The following DCX variants were observed in gnomAD, a reference collection of about 807,000 sequenced individuals.
The protein encoded by DCX is doublecortin, also known as neuronal migration protein doublecortin.
DCX carries 4 observed loss-of-function variants against 20.9 expected under a neutral mutation model. The observed-to-expected ratio is 0.19, with a 90% CI of 0.09 to 0.44. The LOEUF (loss-of-function observed/expected upper bound fraction) is 0.44, where lower values mean the gene tolerates loss of function less well. Ranked by LOEUF, DCX falls within the 20% of genes least tolerant of loss-of-function variation. DCX has a pLI of 0.99. For synonymous variants in DCX, 103 were observed against 111.4 expected (o/e 0.92, Z 0.47); for missense variants, 133 against 296.9 (o/e 0.45, Z 4.06).
At chrX:111,405,293 A>G (rs1423791440) in intron 2 of DCX, among the ~76,000 whole-genome samples, 2 of 112,478 alleles carry the variant, frequency 1.8e-5, no homozygotes, top group African/African-American at 3.2e-5. Flanking sequence ...ACTGTATTAT[A>G]TTAAAATATT....
chrX:111,309,152 T>A (rs1036120178), intron 6 of DCX, among the ~76,000 whole-genome samples: 1 of 112,560 alleles, frequency 8.9e-6, no homozygotes, highest in African/African-American at 3.2e-5. Flanking sequence ...ATGCGGACTT[T>A]GGCTAACCCC....
chrX:111,359,359 A>C (rs147895853), intron 3 of DCX, among the ~76,000 whole-genome samples: 8 of 111,570 alleles, frequency 7.2e-5, no homozygotes, highest in African/African-American at 2.3e-4. Context: ...TTTGAAGAAA[A>C]GGTAGATTAC....
At chrX:111,361,502 T>G (rs780616234) in intron 3 of DCX, among the ~76,000 whole-genome samples, 1 of 112,266 alleles carries the variant, frequency 8.9e-6, no homozygotes, top group East Asian at 2.8e-4. Flanking sequence ...TCGAAACAGT[T>G]GAAACAGTTT....
At chrX:111,345,458 C>A (rs1922718746) in intron 3 of DCX, among the ~76,000 whole-genome samples, 1 of 111,690 alleles carries the variant, frequency 9.0e-6, no homozygotes, top group South Asian at 3.8e-4. Flanking sequence ...GAACAGGCAA[C>A]CTACAGAATG....
chrX:111,370,698 A>T (rs187810062), intron 3 of DCX, among the ~76,000 whole-genome samples: 4 of 110,688 alleles, frequency 3.6e-5, no homozygotes, highest in African/African-American at 1.3e-4. Flanking sequence ...CATTATTCAT[A>T]AAGAAGTCCA....
At chrX:111,399,263 C>T (rs1336261330) in intron 3 of DCX, among the ~76,000 whole-genome samples, 2 of 110,847 alleles carry the variant, frequency 1.8e-5, no homozygotes, top group Non-Finnish European at 3.8e-5. Flanking sequence ...GCTTTCATAT[C>T]CATTATTTGA....
intron 6 of DCX, among the ~76,000 whole-genome samples, chrX:111,304,039 C>T (rs2095039772): frequency 9.0e-6 from 1 of 111,662 alleles, no homozygotes. Flanking sequence ...TTCTAAACTA[C>T]CAAACAAAAG....
At chrX:111,373,051 C>CAGTGAAATGA (rs753003053) in intron 3 of DCX, among the ~76,000 whole-genome samples, 1 of 107,744 alleles carries the variant, frequency 9.3e-6, no homozygotes, top group African/African-American at 3.5e-5. Flanking sequence ...GCTGATAACA[C>CAGTGAAATGA]AATGAAATGA....
intron 3 of DCX, among the ~76,000 whole-genome samples, chrX:111,372,281 G>A (rs143932207): frequency 0.028 from 3,099 of 111,966 alleles, 104 homozygotes; most frequent in African/African-American, 0.092. Context: ...CTGACGCTCT[G>A]TTCTGCAGCT....
chrX:111,341,121 C>A (rs965186226), intron 3 of DCX, among the ~76,000 whole-genome samples: 4 of 110,061 alleles, frequency 3.6e-5, no homozygotes, highest in African/African-American at 9.9e-5. Context: ...AAGCTAAGAA[C>A]CTTGATTAAA....
intron 5 of DCX, among the ~76,000 whole-genome samples, chrX:111,323,215 A>C (rs1223521275): frequency 8.9e-6 from 1 of 112,122 alleles, no homozygotes; most frequent in African/African-American, 3.2e-5. Context: ...GGAATCAGTC[A>C]AAGTTTTAAA....
At chrX:111,407,835 C>CAT (rs1352211833) in intron 2 of DCX, among the ~76,000 whole-genome samples, 1 of 109,021 alleles carries the variant, frequency 9.2e-6, no homozygotes, top group Non-Finnish European at 1.9e-5. Context: ...CACACACACA[C>CAT]ACATATCTAG....
At chrX:111,326,277 CG>C (rs1569488201) in intron 5 of DCX, among the ~76,000 whole-genome samples, 1 of 110,495 alleles carries the variant, frequency 9.1e-6, no homozygotes, top group Non-Finnish European at 1.9e-5. Flanking sequence ...TAGCTTCCTT[CG>C]GGGGCTCCTT....
intron 3 of DCX, among the ~76,000 whole-genome samples, chrX:111,342,127 T>G (rs1437489318): frequency 1.0e-5 from 1 of 96,857 alleles, no homozygotes; most frequent in African/African-American, 3.8e-5. Context: ...ATTCAGGAGA[T>G]GCATCTCACG....
intron 5 of DCX, among the ~76,000 whole-genome samples, chrX:111,321,761 A>C (rs2095087051): frequency 8.9e-6 from 1 of 111,973 alleles, no homozygotes; most frequent in Admixed American, 9.5e-5. Flanking sequence ...AACTGAGTAC[A>C]AGTTGGGCAT....
At chrX:111,370,617 T>C (rs1376686508) in intron 3 of DCX, among the ~76,000 whole-genome samples, 1 of 111,132 alleles carries the variant, frequency 9.0e-6, no homozygotes, top group African/African-American at 3.3e-5. Flanking sequence ...CAGAAATAAT[T>C]AGTCTGTCAG....
chrX:111,330,870 A>G (rs1921150566), intron 5 of DCX, 34 bp downstream of exon 5: 17 of 1,209,573 alleles, frequency 1.4e-5, no homozygotes, highest in Non-Finnish European at 1.9e-5. Context: ...CCATAAATGA[A>G]GTCAGCGTGC....
chrX:111,306,506 A>G (rs776672276), intron 6 of DCX, among the ~76,000 whole-genome samples: 124 of 111,903 alleles, frequency 1.1e-3, no homozygotes, highest in African/African-American at 3.8e-3. Flanking sequence ...CCCACTTTCA[A>G]TAATGGATAG....
chrX:111,324,159 A>C (rs1290204701), intron 5 of DCX, among the ~76,000 whole-genome samples: 2 of 111,915 alleles, frequency 1.8e-5, no homozygotes, highest in Non-Finnish European at 3.8e-5. Context: ...TGGGTCTGAC[A>C]TCCAGAAGGA....
Sources: allele counts gnomAD v4.1 joint callset (sites outside exome capture counted in the v4.1 genomes callset), GRCh38; gene constraint gnomAD v4.1.1; transcripts MANE v1.5; gene names NCBI Gene and HGNC (gene_info 2026-07-23, HGNC 2026-07-21).